The following CACNG3 variants were observed in gnomAD, a reference collection of about 807,000 sequenced individuals.
The protein encoded by CACNG3 is voltage-dependent calcium channel gamma-3 subunit.
A neutral mutation model predicts 28.5 loss-of-function variants in CACNG3; 3 were observed. That is an observed-to-expected ratio of 0.11 (90% CI 0.05 to 0.27). The LOEUF (loss-of-function observed/expected upper bound fraction) is 0.27. Ranked by LOEUF, CACNG3 falls within the 10% of genes least tolerant of loss-of-function variation. CACNG3 has a pLI of 1.00. For synonymous variants in CACNG3, 174 were observed against 162.2 expected (o/e 1.07, Z -0.55); for missense variants, 236 against 414.4 (o/e 0.57, Z 3.74).
intron 1 of CACNG3, among the ~76,000 whole-genome samples, chr16:24,338,491 G>A (rs913070240): frequency 1.3e-5 from 2 of 151,970 alleles, no homozygotes; most frequent in African/African-American, 4.8e-5. Flanking sequence ...TTATAGGCAC[G>A]CACCATCATG....
At chr16:24,346,436 G>A (rs1425610172) in intron 1 of CACNG3, among the ~76,000 whole-genome samples, 1 of 152,172 alleles carries the variant, frequency 6.6e-6, no homozygotes, top group Non-Finnish European at 1.5e-5. Flanking sequence ...GAATTAGCCA[G>A]GCATAGTGGC....
intron 1 of CACNG3, among the ~76,000 whole-genome samples, chr16:24,257,882 C>T (rs1225439826): frequency 6.6e-6 from 1 of 152,194 alleles, no homozygotes; most frequent in East Asian, 1.9e-4. Context: ...GCTTTCACCA[C>T]ACCAGAAGTC....
chr16:24,312,201 A>T (rs1899273108), intron 1 of CACNG3, among the ~76,000 whole-genome samples: 1 of 152,196 alleles, frequency 6.6e-6, no homozygotes, highest in Non-Finnish European at 1.5e-5. Context: ...GAGAACCCAG[A>T]CCACTGGATG....
chr16:24,304,521 T>A (rs560958722), intron 1 of CACNG3, among the ~76,000 whole-genome samples: 1 of 152,264 alleles, frequency 6.6e-6, no homozygotes, highest in African/African-American at 2.4e-5. Flanking sequence ...TTCTGGTCAC[T>A]ACCAGCCCTG....
chr16:24,279,286 G>C (rs751989560), intron 1 of CACNG3, among the ~76,000 whole-genome samples: 2 of 152,000 alleles, frequency 1.3e-5, no homozygotes, highest in African/African-American at 2.4e-5. Flanking sequence ...GAATGGAAAA[G>C]GAATAGTTTT....
chr16:24,344,503 A>G (rs1032928173), intron 1 of CACNG3, among the ~76,000 whole-genome samples: 4 of 152,230 alleles, frequency 2.6e-5, no homozygotes, highest in Non-Finnish European at 5.9e-5. Context: ...TATCCAGTCA[A>G]CTGGAAGGGG....
At position 24,359,696 on chromosome 16, in the gene CACNG3, T is replaced by TA. The variant is rs959447712; in HGVS notation, c.437-1644dup. Among the ~76,000 whole-genome samples the TA allele has an allele frequency of 3.7e-3, 539 of 145,232 alleles. 1 individual carries two copies. The highest frequency in any genetic ancestry group is 0.017 in the Middle Eastern group (5 of 286). ...GGGCAACATAGCAAGACCCCATTTC[T>TA]AAAAAAAAAAAATTAACTTAGCTGT... On this transcript the variant is annotated intron_variant, in intron 3 of 3. Transcript: ENST00000005284.
chr16:24,281,756 A>G (rs1898832050), intron 1 of CACNG3, among the ~76,000 whole-genome samples: 1 of 152,206 alleles, frequency 6.6e-6, no homozygotes, highest in African/African-American at 2.4e-5. Context: ...CAGTTGCTAC[A>G]TGTTCTGACC....
chr16:24,257,428 AT>A (rs1898480370), intron 1 of CACNG3, among the ~76,000 whole-genome samples: 1 of 110,014 alleles, frequency 9.1e-6, no homozygotes, highest in South Asian at 3.0e-4. Context: ...AGAGAGAGAG[AT>A]CCTGACCCGG....
intron 1 of CACNG3, among the ~76,000 whole-genome samples, chr16:24,340,702 G>C (rs976736032): frequency 1.3e-5 from 2 of 152,186 alleles, no homozygotes; most frequent in African/African-American, 4.8e-5. Context: ...CAAAAAGCCA[G>C]TCTCTACAAC....
rs1174731147 is a variant in CACNG3 at position 24,256,934 on chromosome 16, T to C, written c.180T>C (p.His60=). The change falls in exon 1 of 4, where the codon CAT becomes CAC. Residue 60 remains histidine (H), a synonymous_variant. Coordinates refer to ENST00000005284, the MANE Select transcript of CACNG3 (RefSeq NM_006539.4). The surrounding 1 kb of genome is among the most constrained non-coding windows in gnomAD (Gnocchi z 4.6). ...TSRKNEEVMT[H]SGLWRTCCLE... ...GGAAGAATGAAGAAGTAATGACCCA[T>C]TCGGGGCTGTGGAGGACCTGCTGCC... 1.2e-6 allele frequency: 2 copies of C among 1,613,654 alleles called. No individual in the cohort carries two copies. The highest frequency in any genetic ancestry group is 1.7e-6 in the Non-Finnish European group (2 of 1,179,560).
chr16:24,272,931 T>C (rs1430635902), intron 1 of CACNG3, among the ~76,000 whole-genome samples: 1 of 152,174 alleles, frequency 6.6e-6, no homozygotes, highest in African/African-American at 2.4e-5. Context: ...TTATACAGAT[T>C]ACTTCATCAT....
chr16:24,346,699 T>C (rs201670064), intron 1 of CACNG3, 35 bp from the exon 2 acceptor site: 2 of 1,526,750 alleles, frequency 1.3e-6, no homozygotes, highest in Non-Finnish European at 1.8e-6. Flanking sequence ...CTCTGTCTCC[T>C]CCCCCAGGCT....
chr16:24,256,677 C>T lies in CACNG3; in HGVS notation c.-78C>T. On this transcript the variant is annotated 5_prime_UTR_variant, in exon 1 of 4. Transcript: ENST00000005284. The surrounding 1 kb of genome is among the most constrained non-coding windows in gnomAD (Gnocchi z 4.6). The stretch of plus-strand genomic sequence containing the variant: ...TTGGAAGAGCCTGTACTAGGTTACC[C>T]GGCTGCAGAGTGATTTTCCCCTCCG... The T allele has an allele frequency of 2.1e-6, 2 of 953,240 alleles. No homozygotes were observed. The allele number at this position is 953,240 out of a possible 1,614,324, so 59.0% of individuals were successfully genotyped here. A position where few individuals can be genotyped will look rare whatever the true frequency, so the allele number is the denominator to read the frequency against.
chr16:24,275,376 C>T (rs1013843841), intron 1 of CACNG3, among the ~76,000 whole-genome samples: 3 of 152,044 alleles, frequency 2.0e-5, no homozygotes, highest in Admixed American at 6.6e-5. Context: ...TAAAAATGTC[C>T]CTGATGAAGC....
At chr16:24,285,336 A>C (rs1231957810) in intron 1 of CACNG3, among the ~76,000 whole-genome samples, 1 of 152,210 alleles carries the variant, frequency 6.6e-6, no homozygotes, top group East Asian at 1.9e-4. Flanking sequence ...CAAAGATTAT[A>C]AGAGTAACCC....
chr16:24,268,694 G>A (rs1405316401), intron 1 of CACNG3, among the ~76,000 whole-genome samples: 1 of 152,212 alleles, frequency 6.6e-6, no homozygotes, highest in African/African-American at 2.4e-5. Context: ...TTGGAAGTGA[G>A]AAGAACAGGG....
At chr16:24,336,258 A>T (rs1367123760) in intron 1 of CACNG3, among the ~76,000 whole-genome samples, 1 of 150,714 alleles carries the variant, frequency 6.6e-6, no homozygotes, top group East Asian at 2.0e-4. Flanking sequence ...AACCCCAGCA[A>T]TCTGGAGATC....
chr16:24,287,837 G>A (rs1490574356), intron 1 of CACNG3, among the ~76,000 whole-genome samples: 1 of 152,194 alleles, frequency 6.6e-6, no homozygotes, highest in Non-Finnish European at 1.5e-5. Flanking sequence ...GCCAGGTACA[G>A]TGGGCTTATG....
Sources: gnomAD v4.1 joint callset for allele counts (sites outside exome capture counted in the v4.1 genomes callset) on GRCh38, gnomAD v4.1.1 for gene constraint, Gnocchi (gnomAD v3.1) non-coding constraint, MANE v1.5 for transcripts, NCBI Gene and HGNC (gene_info 2026-07-23, HGNC 2026-07-21) for gene names.